The following ZFAND3 variants were observed in gnomAD, a reference collection of about 807,000 sequenced individuals.
ZFAND3 encodes the protein zinc finger AN1-type containing 3.
A neutral mutation model predicts 29.6 loss-of-function variants in ZFAND3; 10 were observed. The observed-to-expected ratio is 0.34, with a 90% CI of 0.21 to 0.57. ZFAND3 has a LOEUF of 0.57. Among genes scored for constraint, ZFAND3 ranks in the 20% least tolerant of loss-of-function variants. The pLI is 0.86. For missense variants in ZFAND3, 230 were observed against 304.5 expected, an observed-to-expected ratio of 0.76 and a Z score of 1.82; for synonymous variants, 128 against 112.6, an observed-to-expected ratio of 1.14 and a Z score of -0.87.
chr6:38,045,596 A>T lies in ZFAND3; in HGVS notation c.113-15997A>T, dbSNP rs189750204. Among the ~76,000 whole-genome samples the T allele has an allele frequency of 2.4e-3, 371 of 152,304 alleles. 2 individuals carry two copies. Among genetic ancestry groups the T allele is most frequent in the African/African-American group, 8.7e-3 (360 of 41,564 alleles). ...ATCAGTAGTCTTCACTTAAATATTG[A>T]TACAGATATAAATATATATTATCTC... is the stretch of plus-strand genomic sequence containing the variant. On this transcript the variant is annotated intron_variant, in intron 2 of 5. Transcript: ENST00000287218.
intron 1 of ZFAND3, among the ~76,000 whole-genome samples, chr6:37,845,098 T>C (rs1046828125): frequency 6.6e-6 from 1 of 151,934 alleles, no homozygotes; most frequent in Non-Finnish European, 1.5e-5. Context: ...GCATCACTTC[T>C]ACCATATTCC....
At chr6:38,041,819 TCTCCTC>T (rs1284549939) in intron 2 of ZFAND3, among the ~76,000 whole-genome samples, 685 of 26,792 alleles carry the variant, frequency 0.026, 334 homozygotes, top group Middle Eastern at 0.062. Flanking sequence ...TTCTTCTTCT[TCTCCTC>T]CTTTTTTTTT....
chr6:37,849,834 A>G (rs1764250814), intron 1 of ZFAND3, among the ~76,000 whole-genome samples: 1 of 152,200 alleles, frequency 6.6e-6, no homozygotes, highest in Admixed American at 6.5e-5. Flanking sequence ...TTTGGGAAGG[A>G]ATGTTACGGT....
Position 37,933,981 on chromosome 6 carries a change from G to T in ZFAND3, c.112+3982G>T, listed in dbSNP as rs146164434. On this transcript the variant is annotated intron_variant, in intron 2 of 5. Transcript: ENST00000287218. ...CTGCTTACCGCAACCTCCGCCTCCC[G>T]GGTTCAAGTGATTGTCCCGCCTCAG... is the stretch of plus-strand genomic sequence containing the variant. Among the ~76,000 whole-genome samples the T allele has an allele frequency of 2.3e-3, 342 of 146,970 alleles. 3 individuals carry two copies. Among genetic ancestry groups the T allele is most frequent in the Middle Eastern group, 3.9e-3 (1 of 258 alleles).
intron 2 of ZFAND3, among the ~76,000 whole-genome samples, chr6:37,939,633 CT>C (rs1561940852): frequency 6.6e-6 from 1 of 152,140 alleles, no homozygotes; most frequent in African/African-American, 2.4e-5. Context: ...AAATTTTATG[CT>C]GATGGTACAC....
chr6:38,023,760 G>A (rs1259817639), intron 2 of ZFAND3, among the ~76,000 whole-genome samples: 1 of 152,172 alleles, frequency 6.6e-6, no homozygotes, highest in Admixed American at 6.5e-5. Flanking sequence ...AAAAAGTGAT[G>A]TATAATAATT....
intron 1 of ZFAND3, among the ~76,000 whole-genome samples, chr6:37,901,493 T>G (rs980699620): frequency 6.6e-6 from 1 of 152,082 alleles, no homozygotes; most frequent in Admixed American, 6.5e-5. Flanking sequence ...ACACCTGTAG[T>G]CCTAGTTACT....
At chr6:37,879,701 A>G (rs908345024) in intron 1 of ZFAND3, among the ~76,000 whole-genome samples, 1 of 152,214 alleles carries the variant, frequency 6.6e-6, no homozygotes, top group African/African-American at 2.4e-5. Flanking sequence ...ATGATAGTAA[A>G]TTCATTATTG....
intron 2 of ZFAND3, among the ~76,000 whole-genome samples, chr6:37,972,419 TATA>T (rs10566092): frequency 0.36 from 55,428 of 151,904 alleles, 10,820 homozygotes; most frequent in East Asian, 0.57. Flanking sequence ...CACCTCCAGA[TATA>T]ATATTCACAC....
intron 2 of ZFAND3, among the ~76,000 whole-genome samples, chr6:38,048,621 C>CAAAAAAAAAAAGAAAAAAAAAAAAAAAAA (rs1763956730): frequency 1.8e-5 from 1 of 56,284 alleles, no homozygotes; most frequent in East Asian, 3.9e-4. Flanking sequence ...GACTCCGTCT[C>CAAAAAAAAAAAGAAAAAAAAAAAAAAAAA]AAAAAAAAAA....
At chr6:38,078,878 CT>C (rs1764604257) in intron 3 of ZFAND3, among the ~76,000 whole-genome samples, 1 of 152,190 alleles carries the variant, frequency 6.6e-6, no homozygotes. Context: ...GTCATGGGGA[CT>C]TACGCCAGCC....
intron 2 of ZFAND3, among the ~76,000 whole-genome samples, chr6:37,971,847 A>G (rs868630997): frequency 0.018 from 2,700 of 151,626 alleles, 42 homozygotes; most frequent in Middle Eastern, 0.034. Flanking sequence ...AAAAAAAAAA[A>G]AAAATTAGCC....
intron 2 of ZFAND3, among the ~76,000 whole-genome samples, chr6:37,935,567 T>G (rs1761683586): frequency 6.6e-6 from 1 of 152,186 alleles, no homozygotes; most frequent in African/African-American, 2.4e-5. Flanking sequence ...TTTAAAAAAT[T>G]CTGAGTAGAA....
At chr6:38,116,435 T>G in intron 4 of ZFAND3, 137 bp from the exon 5 acceptor site, 8 of 1,001,834 alleles carry the variant, frequency 8.0e-6, no homozygotes, top group Non-Finnish European at 1.2e-5. Flanking sequence ...ACCAAGCAAG[T>G]CAGAACTGGC....
At chr6:38,139,552 G>T (rs532817859) in intron 5 of ZFAND3, among the ~76,000 whole-genome samples, 20 of 152,286 alleles carry the variant, frequency 1.3e-4, no homozygotes, top group Admixed American at 7.2e-4. Context: ...AATTTCCTTT[G>T]GAAGTCAGTG....
chr6:38,014,530 T>C (rs755180607), intron 2 of ZFAND3, among the ~76,000 whole-genome samples: 10 of 152,162 alleles, frequency 6.6e-5, no homozygotes, highest in Non-Finnish European at 1.5e-4. Context: ...TTTTGTCATA[T>C]GAGTCAGGCT....
At chr6:38,103,061 G>GTT (rs1348117345) in intron 4 of ZFAND3, among the ~76,000 whole-genome samples, 1 of 152,230 alleles carries the variant, frequency 6.6e-6, no homozygotes, top group African/African-American at 2.4e-5. Flanking sequence ...CTGGCTGGAA[G>GTT]TTTAACTTCT....
intron 2 of ZFAND3, among the ~76,000 whole-genome samples, chr6:38,015,271 CA>C (rs1193794720): frequency 1.3e-5 from 2 of 152,060 alleles, no homozygotes; most frequent in Non-Finnish European, 2.9e-5. Context: ...CAAATTAAAA[CA>C]AAAATGAGGT....
chr6:38,058,254 A>G (rs1182735422), intron 2 of ZFAND3, among the ~76,000 whole-genome samples: 1 of 152,204 alleles, frequency 6.6e-6, no homozygotes, highest in Non-Finnish European at 1.5e-5. Flanking sequence ...TAGATGGTAC[A>G]GTGATGACTC....
Sources: gnomAD v4.1 joint callset for allele counts (sites outside exome capture counted in the v4.1 genomes callset) on GRCh38, gnomAD v4.1.1 for gene constraint, MANE v1.5 for transcripts, NCBI Gene and HGNC (gene_info 2026-07-23, HGNC 2026-07-21) for gene names.